CBY3: variants seen among roughly 807,000 people sequenced by gnomAD.
The protein encoded by CBY3 is sperm annulus positioning complex subunit Chibby3.
Under a neutral mutation model 3.0 loss-of-function variants are expected in CBY3, and 7 were observed. The observed-to-expected ratio is 2.32, with a 90% CI of 1.32 to 4.35. The LOEUF (loss-of-function observed/expected upper bound fraction) is 4.35. CBY3 is among the 30% of genes most tolerant of loss of function. The pLI is 0.00. For missense variants in CBY3, 400 were observed against 336.4 expected, an observed-to-expected ratio of 1.19 and a Z score of -1.48; for synonymous variants, 170 against 154.5, an observed-to-expected ratio of 1.10 and a Z score of -0.74.
At chr5:179,679,958 CTTTTTTTTTTT>C (rs34916199) in intron 1 of CBY3, among the ~76,000 whole-genome samples, 5 of 59,348 alleles carry the variant, frequency 8.4e-5, no homozygotes, top group Admixed American at 2.2e-4. Context: ...TGCGCCTGGC[CTTTTTTTTTTT>C]TTTTTTTTTT....
chr5:179,678,647 C>T lies in CBY3; in HGVS notation c.665G>A (p.Arg222His), dbSNP rs1299265934. Residue 222 changes from arginine (R) to histidine (H), a missense_variant, in exon 2 of 2, where the codon CGC becomes CAC. Arg to His is a conservative substitution (Grantham distance 29). Coordinates refer to ENST00000376974, the MANE Select transcript of CBY3 (RefSeq NM_001164444.2). ...AAARAGQRKM[R>H]KRAGASAGVL... is the part of the protein sequence containing the mutation. ...GCCCGCGCTGGCGCCTGCGCGCTTG[C>T]GCATCTTCCTCTGCCCGGCGCGCGC... 1 of 1,534,074 alleles carries T rather than the reference C, an allele frequency of 6.5e-7. No homozygotes were observed. The highest frequency in any genetic ancestry group is 1.4e-5 in the African/African-American group (1 of 72,932).
chr5:179,678,603 A>C lies in CBY3; in HGVS notation c.709T>G (p.Cys237Gly). ...TTGCGTCACTGCGAGTCCAGAGCGC[A>C]CGGCTGGATCATGAGCACGCCCGCG... ...ASAGVLMIQPCALDSQ is the reference protein window; with the variant it reads ...ASAGVLMIQPGALDSQ The change falls in exon 2 of 2, where the codon TGC becomes GGC. Residue 237 changes from cysteine to glycine, a missense_variant. Transcript: ENST00000376974. 6.6e-7 allele frequency: 1 copy of C among 1,522,630 alleles called. No homozygotes were observed. Among genetic ancestry groups the C allele is most frequent in the South Asian group, 1.2e-5 (1 of 83,088 alleles). 94.3% of individuals were successfully genotyped at this position (1,522,630 alleles called of 1,614,324 possible). A position where few individuals can be genotyped will look rare whatever the true frequency, so the allele number is the denominator to read the frequency against.
In CBY3 at chr5:179,679,072, C is replaced by T. The variant is rs1272061472; in HGVS notation, c.240G>A (p.Trp80Ter). Reference sequence around the variant, plus strand: ...AGAAGGGCCGCGAGATGTGATCGGCCCAAAACTGCTGCAGCGTCTGCCACA... The same window carrying T: ...AGAAGGGCCGCGAGATGTGATCGGCTCAAAACTGCTGCAGCGTCTGCCACA... Reference protein sequence around the residue: ...SRLWQTLQQFWADHISRPFSP... With the variant: ...SRLWQTLQQF The change falls in exon 2 of 2, where the codon TGG becomes TGA. Residue 80 changes from tryptophan (W) to a stop codon, truncating the protein, a stop_gained. Transcript: ENST00000376974. LOFTEE classifies it low-confidence loss of function (END_TRUNC). 1.3e-6 allele frequency: 2 copies of T among 1,535,462 alleles called. No individual in the cohort carries two copies. Among genetic ancestry groups the T allele is most frequent in the African/African-American group, 1.4e-5 (1 of 73,066 alleles).
At chr5:179,679,367 T>C in intron 1 of CBY3, 102 bp from the exon 2 acceptor site, 1 of 1,030,394 alleles carries the variant, frequency 9.7e-7, no homozygotes, top group Non-Finnish European at 1.4e-6. Context: ...CGGCTGCGGC[T>C]GTGTCTCACC....
intron 1 of CBY3, 69 bp downstream of exon 1, chr5:179,680,804 T>C: frequency 7.7e-7 from 1 of 1,303,714 alleles, no homozygotes; most frequent in Non-Finnish European, 1.1e-6. Flanking sequence ...TTCCCTCTGT[T>C]ATGCCTTCGT....
chr5:179,680,820 C>T, intron 1 of CBY3, 53 bp downstream of exon 1: 4 of 1,430,272 alleles, frequency 2.8e-6, no homozygotes, highest in Non-Finnish European at 3.8e-6. Flanking sequence ...TTCGTTAATT[C>T]ATAATACACT....
Position 179,679,215 on chromosome 5 carries a change from G to A in CBY3, c.97C>T (p.Gln33Ter). 1.3e-6 allele frequency: 2 copies of A among 1,534,056 alleles called. No individual in the cohort carries two copies. Among genetic ancestry groups the A allele is most frequent in the South Asian group, 2.4e-5 (2 of 83,946 alleles). Residue 33 changes from glutamine to a stop codon, truncating the protein, a stop_gained, in exon 2 of 2, where the codon CAA becomes TAA. Transcript: ENST00000376974. LOFTEE classifies it low-confidence loss of function (END_TRUNC). ...SSFWTSGLPR[Q>*]ERSTSRQRSR... ...CGCTGGCGACTCGTGCTGCGCTCTT[G>A]TCTCGGGAGCCCGGATGTCCAGAAT...
Position 179,678,949 on chromosome 5 carries a change from G to A in CBY3, c.363C>T (p.Gly121=). ...GGTTGCTGAGGCGCATGCACGGCGC[G>A]CCGTAGGCGAGGCCCAGCTCGGCCT... The part of the protein sequence containing the change: ...TRQAELGLAY[G]APCMRLSNQA... Residue 121 remains glycine, a synonymous_variant, in exon 2 of 2, where the codon GGC becomes GGT. Coordinates refer to ENST00000376974, the MANE Select transcript of CBY3 (RefSeq NM_001164444.2). The A allele has an allele frequency of 5.9e-6, 9 of 1,535,288 alleles. No individual in the cohort carries two copies. Among genetic ancestry groups the A allele is most frequent in the Non-Finnish European group, 7.9e-6 (9 of 1,145,958 alleles).
chr5:179,679,894 G>T (rs1776011862), intron 1 of CBY3, among the ~76,000 whole-genome samples: 1 of 151,206 alleles, frequency 6.6e-6, no homozygotes. Flanking sequence ...CCTGACCTCA[G>T]GTGATCCACC....
rs954548673 is a variant in CBY3 at position 179,678,940 on chromosome 5, G to A, written c.372C>T (p.Cys124=). The change falls in exon 2 of 2, where the codon TGC becomes TGT. Residue 124 remains cysteine (C), a synonymous_variant. Coordinates refer to ENST00000376974, the MANE Select transcript of CBY3 (RefSeq NM_001164444.2). ...AELGLAYGAP[C]MRLSNQAFVF... is the part of the protein sequence containing the mutation. Reference sequence around the variant, plus strand: ...CGAAGGCCTGGTTGCTGAGGCGCATGCACGGCGCGCCGTAGGCGAGGCCCA... The same window carrying A: ...CGAAGGCCTGGTTGCTGAGGCGCATACACGGCGCGCCGTAGGCGAGGCCCA... The A allele has an allele frequency of 1.3e-6, 2 of 1,535,152 alleles. No individual in the cohort carries two copies. The highest frequency in any genetic ancestry group is 1.4e-5 in the African/African-American group (1 of 72,994).
Position 179,679,197 on chromosome 5 carries a change from G to T in CBY3, c.115C>A (p.Arg39Ser), listed in dbSNP as rs1322279197. 1 of 1,534,868 alleles carries T rather than the reference G, an allele frequency of 6.5e-7. No homozygotes were observed. The change falls in exon 2 of 2, where the codon CGC becomes AGC. Residue 39 changes from arginine (R) to serine (S), a missense_variant. Transcript: ENST00000376974. ...GAAGGGGAGCCTCGGGAGCGCTGGC[G>T]ACTCGTGCTGCGCTCTTGTCTCGGG... is the stretch of plus-strand genomic sequence containing the variant. ...GLPRQERSTS[R>S]QRSRGSPSST...
Position 179,678,691 on chromosome 5 carries a change from C to G in CBY3, c.621G>C (p.Glu207Asp). The change falls in exon 2 of 2, where the codon GAG (glutamate) becomes GAC (aspartate). Residue 207 changes from glutamate (E) to aspartate (D), a missense_variant. By Grantham distance (45) the Glu-to-Asp change is conservative. Coordinates refer to ENST00000376974, the MANE Select transcript of CBY3 (RefSeq NM_001164444.2). ...MHLLEKQRNP[E>D]VIPTAAARAG... is the part of the protein sequence containing the mutation. ...CGCGCGCCGCAGCCGTCGGGATCAC[C>G]TCGGGGTTGCGCTGCTTCTCCAGCA... 4 of 1,536,832 alleles carry G rather than the reference C, an allele frequency of 2.6e-6. No homozygotes were observed. Among genetic ancestry groups the G allele is most frequent in the Non-Finnish European group, 3.5e-6 (4 of 1,146,690 alleles).
chr5:179,678,744 G>A lies in CBY3; in HGVS notation c.568C>T (p.Leu190=). The change falls in exon 2 of 2, where the codon CTG becomes TTG. Residue 190 remains leucine (L), a synonymous_variant. Transcript: ENST00000376974. ...KLQQELLIDM[L]TETMARMHLL... Reference sequence around the variant, plus strand: ...TGCATGCGCGCCATGGTCTCAGTCAGCATGTCTATGAGCAGTTCCTGCTGC... The same window carrying A: ...TGCATGCGCGCCATGGTCTCAGTCAACATGTCTATGAGCAGTTCCTGCTGC... 1.3e-6 allele frequency: 2 copies of A among 1,537,078 alleles called. No individual in the cohort carries two copies. Among genetic ancestry groups the A allele is most frequent in the Non-Finnish European group, 1.7e-6 (2 of 1,146,766 alleles).
chr5:179,680,016 T>C (rs1268413573), intron 1 of CBY3, among the ~76,000 whole-genome samples: 1 of 148,194 alleles, frequency 6.7e-6, no homozygotes, highest in East Asian at 2.0e-4. Context: ...TTTCACCTTA[T>C]TGGCCAGGCT....
chr5:179,679,385 G>T, intron 1 of CBY3, 120 bp from the exon 2 acceptor site: 2 of 841,662 alleles, frequency 2.4e-6, no homozygotes, highest in Non-Finnish European at 1.8e-6. Context: ...ACCAGCTGCT[G>T]GCCACCGAGG....
At position 179,678,883 on chromosome 5, in the gene CBY3, G is replaced by A; in HGVS notation, c.429C>T (p.Ser143=). 1.3e-6 allele frequency: 2 copies of A among 1,535,802 alleles called. No homozygotes were observed. Among genetic ancestry groups the A allele is most frequent in the Non-Finnish European group, 1.7e-6 (2 of 1,146,140 alleles). ...VFRGGRWTTE[S]QLARTRSPLL... is the part of the protein sequence containing the mutation. ...GCGGCGACCGCGTCCTCGCCAGCTG[G>A]CTCTCAGTGGTCCACCGCCCGCCGC... is the stretch of plus-strand genomic sequence containing the variant. Residue 143 remains serine, a synonymous_variant, in exon 2 of 2, where the codon AGC becomes AGT. Transcript: ENST00000376974.
rs1396783480 is a variant in CBY3, at chr5:179,679,505, G to C, written c.47-240C>G. 2.0e-5 allele frequency among the ~76,000 whole-genome samples: 3 copies of C among 152,164 alleles called. No homozygotes were observed. The East Asian group carries it at 5.8e-4, about 29-fold the overall frequency. On this transcript the variant is annotated intron_variant, in intron 1 of 1. Transcript: ENST00000376974. Reference sequence around the variant, plus strand: ...ATATGCAGATGAAGGACGGGAGGAGGGCCTTGTTCTGAGTTGCAGCTGGAA... The same window carrying C: ...ATATGCAGATGAAGGACGGGAGGAGCGCCTTGTTCTGAGTTGCAGCTGGAA...
At chr5:179,680,809 C>G in intron 1 of CBY3, 64 bp downstream of exon 1, 2 of 1,348,970 alleles carry the variant, frequency 1.5e-6, no homozygotes, top group Non-Finnish European at 1.0e-6. Flanking sequence ...TCTGTTATGC[C>G]TTCGTTAATT....
rs1227027095 is a variant in CBY3, at chr5:179,678,750, CTA to C, written c.560_561del (p.Ile187ArgfsTer5). On this transcript the variant is annotated frameshift_variant, in exon 2 of 2. Transcript: ENST00000376974. LOFTEE classifies it low-confidence loss of function (END_TRUNC). ...CGCGCCATGGTCTCAGTCAGCATGT[CTA>C]TGAGCAGTTCCTGCTGCAGCTTCAG... ...NYLKLQQELL[I>X]DMLTETMARM... The C allele has an allele frequency of 1.3e-6, 2 of 1,537,098 alleles. No homozygotes were observed. The highest frequency in any genetic ancestry group is 1.7e-6 in the Non-Finnish European group (2 of 1,146,776).
Sources: gnomAD v4.1 joint callset for allele counts (sites outside exome capture counted in the v4.1 genomes callset) on GRCh38, gnomAD v4.1.1 for gene constraint, MANE v1.5 for transcripts, NCBI Gene and HGNC (gene_info 2026-07-23, HGNC 2026-07-21) for gene names.